GON4L: variants seen among roughly 807,000 people sequenced by gnomAD.
GON4L encodes GON-4-like protein.
Under a neutral mutation model 211.8 loss-of-function variants are expected in GON4L, and 87 were observed. The observed-to-expected ratio is 0.41, with a 90% CI of 0.35 to 0.49. GON4L has a LOEUF of 0.49. Ranked by LOEUF, GON4L falls within the 20% of genes least tolerant of loss-of-function variation. GON4L has a pLI of 0.15. For synonymous variants in GON4L, 875 were observed against 962.6 expected (o/e 0.91, Z 1.68); for missense variants, 2,155 against 2,659.5 (o/e 0.81, Z 4.17).
chr1:155,856,025 G>A (rs1672248391), intron 1 of GON4L, among the ~76,000 whole-genome samples: 2 of 143,896 alleles, frequency 1.4e-5, no homozygotes, highest in Admixed American at 1.4e-4. Flanking sequence ...TATTACCCAG[G>A]AAAACTTTAC....
chr1:155,805,148 A>G lies in GON4L; in HGVS notation c.1453-7T>C, dbSNP rs199506123. Reference sequence around the variant, plus strand: ...TGAGACTGTCATCCATGGGCTGGACAATGGAGAAAGAAAAGTCACTGAGTG... The same window carrying G: ...TGAGACTGTCATCCATGGGCTGGACGATGGAGAAAGAAAAGTCACTGAGTG... On this transcript the variant is annotated splice_polypyrimidine_tract_variant and splice_region_variant and intron_variant, in intron 10 of 31. Coordinates refer to ENST00000368331, the MANE Select transcript of GON4L (RefSeq NM_001282860.2). The G allele has an allele frequency of 7.7e-5, 124 of 1,604,782 alleles. No individual in the cohort carries two copies. Among genetic ancestry groups the G allele is most frequent in the Non-Finnish European group, 1.0e-4 (118 of 1,171,514 alleles).
At chr1:155,792,565 G>A (rs1474080607) in intron 12 of GON4L, among the ~76,000 whole-genome samples, 2 of 152,160 alleles carry the variant, frequency 1.3e-5, no homozygotes, top group East Asian at 1.9e-4. Flanking sequence ...AGAGTGGTAC[G>A]GGAATGCAAA....
intron 9 of GON4L, 56 bp from the exon 10 acceptor site, chr1:155,813,860 A>G (rs1292011568): frequency 4.0e-6 from 6 of 1,483,186 alleles, no homozygotes. Context: ...AGAAAGAGAA[A>G]GCAAAAAAAG....
intron 2 of GON4L, among the ~76,000 whole-genome samples, chr1:155,847,303 A>C (rs1274878138): frequency 6.6e-6 from 1 of 152,196 alleles, no homozygotes; most frequent in Non-Finnish European, 1.5e-5. Flanking sequence ...ATGGTGGCTC[A>C]TGCCTGTAAT....
Position 155,821,033 on chromosome 1 carries a change from G to A in GON4L, c.964-377C>T, listed in dbSNP as rs1267172555. 3.9e-5 allele frequency among the ~76,000 whole-genome samples: 6 copies of A among 152,232 alleles called. No individual in the cohort carries two copies. The East Asian group carries it at 7.7e-4, about 20-fold the overall frequency. On this transcript the variant is annotated intron_variant, in intron 5 of 31. Transcript: ENST00000368331. ...TGTAATCCCAGCACTTTGGGAGGCCGAGGCGGGCGGATCACAAGGTCAGGA... is the reference window on the plus strand; with the variant it reads ...TGTAATCCCAGCACTTTGGGAGGCCAAGGCGGGCGGATCACAAGGTCAGGA...
In GON4L at chr1:155,807,012, T is replaced by C. The variant is rs563164798; in HGVS notation, c.1453-1871A>G. On this transcript the variant is annotated intron_variant, in intron 10 of 31. Transcript: ENST00000368331. Reference sequence around the variant, plus strand: ...TACTTAGGAGGCTGAAAGAGAAGGATCTCTTGAGACTAGGAGATCAAGGCT... The same window carrying C: ...TACTTAGGAGGCTGAAAGAGAAGGACCTCTTGAGACTAGGAGATCAAGGCT... Among the ~76,000 whole-genome samples the C allele has an allele frequency of 2.0e-5, 3 of 149,688 alleles. No homozygotes were observed. In the Admixed American group the frequency reaches 2.0e-4, roughly 10 times the overall value.
At chr1:155,797,867 A>C (rs531099983) in intron 11 of GON4L, among the ~76,000 whole-genome samples, 73 of 151,434 alleles carry the variant, frequency 4.8e-4, no homozygotes, top group South Asian at 3.1e-3. Context: ...AAAAAAAAAA[A>C]AAACACATAT....
At chr1:155,812,479 A>G (rs1484265083) in intron 10 of GON4L, among the ~76,000 whole-genome samples, 5 of 152,180 alleles carry the variant, frequency 3.3e-5, no homozygotes. Context: ...TTTTTCCTCC[A>G]ACATAAAGGG....
At chr1:155,802,323 A>G (rs1375328134) in intron 11 of GON4L, among the ~76,000 whole-genome samples, 17 of 119,504 alleles carry the variant, frequency 1.4e-4, no homozygotes, top group South Asian at 9.4e-4. Flanking sequence ...GGGGGGGGGG[A>G]AGGCTTTAAT....
chr1:155,748,557 T>G (rs982583460), downstream of GON4L: 6 of 1,607,262 alleles, frequency 3.7e-6, no homozygotes, highest in Non-Finnish European at 5.1e-6. Flanking sequence ...AGGGGTTGGG[T>G]CAGTGCTGAG....
intron 11 of GON4L, among the ~76,000 whole-genome samples, chr1:155,801,670 G>A (rs1380019707): frequency 6.6e-6 from 1 of 152,004 alleles, no homozygotes; most frequent in East Asian, 1.9e-4. Context: ...ATCACCTGAG[G>A]TCAGGAGTTT....
intron 14 of GON4L, among the ~76,000 whole-genome samples, chr1:155,780,288 A>G (rs979033535): frequency 3.9e-5 from 6 of 152,098 alleles, no homozygotes; most frequent in African/African-American, 9.7e-5. Flanking sequence ...TCAGAATGAC[A>G]ATTATTAAAA....
chr1:155,818,752 T>C (rs1012949527), intron 6 of GON4L, among the ~76,000 whole-genome samples: 10 of 151,714 alleles, frequency 6.6e-5, no homozygotes, highest in Non-Finnish European at 1.0e-4. Context: ...CCTGTAATCC[T>C]AGCACATTGG....
At chr1:155,747,896 G>T (rs1660297679), downstream of GON4L, 6 of 1,570,330 alleles carry the variant, frequency 3.8e-6, no homozygotes, top group Middle Eastern at 1.7e-4. Flanking sequence ...ACCATCGTGG[G>T]GTGAGTGGAA....
At chr1:155,763,216 C>T (rs894330265) in intron 22 of GON4L, 96 bp downstream of exon 22, 7 of 1,183,616 alleles carry the variant, frequency 5.9e-6, no homozygotes, top group Non-Finnish European at 8.5e-6. Context: ...TCTGGAAATC[C>T]TCCACCTGGT....
At chr1:155,786,356 T>C (rs1664941548) in intron 12 of GON4L, among the ~76,000 whole-genome samples, 1 of 152,024 alleles carries the variant, frequency 6.6e-6, no homozygotes, top group Non-Finnish European at 1.5e-5. Flanking sequence ...GGCAAAATGT[T>C]GAAACCATAT....
Position 155,765,067 on chromosome 1 carries a change from G to C in GON4L, c.4406C>G (p.Thr1469Ser). 1 of 1,614,096 alleles carries C rather than the reference G, an allele frequency of 6.2e-7. No individual in the cohort carries two copies. The highest frequency in any genetic ancestry group is 8.5e-7 in the Non-Finnish European group (1 of 1,180,002). Residue 1469 changes from threonine to serine, a missense_variant, in exon 21 of 32, where the codon ACC (threonine) becomes AGC (serine). Coordinates refer to ENST00000368331, the MANE Select transcript of GON4L (RefSeq NM_001282860.2). ...EEEEEDFDDL[T>S]QDEEDEMSSA... ...TGACATTTCATCTTCCTCATCTTGG[G>C]TGAGGTCATCAAAGTCCTCTTCTTC...
chr1:155,849,963 C>T (rs1242770069), intron 2 of GON4L, among the ~76,000 whole-genome samples: 1 of 142,130 alleles, frequency 7.0e-6, no homozygotes, highest in Non-Finnish European at 1.5e-5. Flanking sequence ...CTTAATTTGT[C>T]CTGATCTAGT....
chr1:155,748,040 C>A, downstream of GON4L: 1 of 1,607,864 alleles, frequency 6.2e-7, no homozygotes, highest in African/African-American at 1.3e-5. Context: ...CCTGACTGCT[C>A]ACAGCTCTCG....
Sources: allele counts gnomAD v4.1 joint callset (sites outside exome capture counted in the v4.1 genomes callset), GRCh38; gene constraint gnomAD v4.1.1; transcripts MANE v1.5; gene names NCBI Gene and HGNC (gene_info 2026-07-23, HGNC 2026-07-21).